Variants in ATP8A1 observed in about 807,000 individuals in gnomAD.
The protein encoded by ATP8A1 is ATPase phospholipid transporting 8A1.
ATP8A1 carries 90 observed loss-of-function variants against 177.7 expected under a neutral mutation model. The ratio of observed to expected loss-of-function variants is 0.51; its 90% confidence interval spans 0.43 to 0.60. ATP8A1 has a LOEUF of 0.60. Ranked by LOEUF, ATP8A1 falls within the 20% of genes least tolerant of loss-of-function variation. ATP8A1 has a pLI of 0.00. For missense variants in ATP8A1, 1,072 were observed against 1,392.8 expected, an observed-to-expected ratio of 0.77 and a Z score of 3.67; for synonymous variants, 493 against 485.9, an observed-to-expected ratio of 1.01 and a Z score of -0.19.
chr4:42,555,142 C>G (rs78328392), intron 16 of ATP8A1, among the ~76,000 whole-genome samples: 5 of 63,692 alleles, frequency 7.9e-5, no homozygotes, highest in African/African-American at 3.6e-4. Flanking sequence ...TCTATCTAAT[C>G]TATCTATCTA....
Position 42,464,698 on chromosome 4 carries a change from T to C in ATP8A1, c.2611A>G (p.Ile871Val). The change falls in exon 27 of 37, where the codon ATT (isoleucine) becomes GTT (valine). Residue 871 changes from isoleucine to valine, a missense_variant. This residue lies in a region of ATP8A1 where 316 missense variants were observed against 459.1 expected (regional missense o/e 0.69). Coordinates refer to ENST00000381668, the MANE Select transcript of ATP8A1 (RefSeq NM_006095.2). ...YCFYKNIVLY[I>V]IEIWFAFVNG... The stretch of plus-strand genomic sequence containing the variant: ...ATTTAACCTGCTATTACCTCGATAA[T>C]ATAGAGCACTATATTCTTGTAGAAG... 2 of 1,589,194 alleles carry C rather than the reference T, an allele frequency of 1.3e-6. No homozygotes were observed. The highest frequency in any genetic ancestry group is 2.2e-5 in the East Asian group (1 of 44,680).
intron 31 of ATP8A1, 89 bp from the exon 32 acceptor site, chr4:42,444,723 G>C (rs1329370428): frequency 3.1e-6 from 4 of 1,297,750 alleles, no homozygotes; most frequent in East Asian, 4.8e-5. Flanking sequence ...AGAGATCTCT[G>C]AATGTAACTA....
At chr4:42,553,802 G>A (rs1729762094) in intron 16 of ATP8A1, among the ~76,000 whole-genome samples, 1 of 152,122 alleles carries the variant, frequency 6.6e-6, no homozygotes, top group Non-Finnish European at 1.5e-5. Context: ...AGCAAGACAA[G>A]CACTGTAAAG....
Position 42,522,340 on chromosome 4 carries a change from T to C in ATP8A1, c.1808-41A>G, listed in dbSNP as rs772293495. On this transcript the variant is annotated intron_variant, in intron 21 of 36. Transcript: ENST00000381668. ...TACATCACCCCAACACACCAAAGAT[T>C]TTCTTCAGAAGTCTGAGGTTTCTGT... is the stretch of plus-strand genomic sequence containing the variant. 8.8e-5 allele frequency: 141 copies of C among 1,597,008 alleles called. 2 individuals carry two copies. In the Admixed American group the frequency reaches 2.5e-3, roughly 28 times the overall value.
chr4:42,614,358 A>G (rs1325762769), intron 5 of ATP8A1, among the ~76,000 whole-genome samples: 1 of 152,224 alleles, frequency 6.6e-6, no homozygotes, highest in Non-Finnish European at 1.5e-5. Flanking sequence ...ATGGGTTGGA[A>G]AAGCATTTAT....
chr4:42,613,153 A>G (rs1736539171), intron 5 of ATP8A1, among the ~76,000 whole-genome samples: 1 of 152,234 alleles, frequency 6.6e-6, no homozygotes, highest in South Asian at 2.1e-4. Flanking sequence ...ATCTGACAGC[A>G]AACAGTATCC....
chr4:42,552,690 T>A, intron 16 of ATP8A1, 80 bp from the exon 17 acceptor site: 3 of 1,054,130 alleles, frequency 2.8e-6, no homozygotes, highest in South Asian at 2.7e-5. Flanking sequence ...TCATGTCTAT[T>A]AAGAACATAG....
intron 1 of ATP8A1, chr4:42,637,076 G>C (rs1356913519): frequency 2.0e-6 from 1 of 511,400 alleles, no homozygotes; most frequent in Non-Finnish European, 3.9e-6. Context: ...TCTAATGTAG[G>C]TGGGCAGTGA....
In ATP8A1 at chr4:42,551,189, C is replaced by T. The variant is rs762211337; in HGVS notation, c.1602+9G>A. 1.4e-5 allele frequency: 22 copies of T among 1,607,686 alleles called. No homozygotes were observed. The highest frequency in any genetic ancestry group is 1.7e-5 in the Non-Finnish European group (20 of 1,174,482). On this transcript the variant is annotated intron_variant, in intron 18 of 36. Transcript: ENST00000381668. The stretch of plus-strand genomic sequence containing the variant: ...GGATTAAAAAGAACCTTAAAAACAA[C>T]TAACTTACTGAATCTATAATCACCG...
chr4:42,471,035 A>C (rs986814819), intron 25 of ATP8A1, among the ~76,000 whole-genome samples: 1 of 152,212 alleles, frequency 6.6e-6, no homozygotes, highest in African/African-American at 2.4e-5. Flanking sequence ...TCATTTATAA[A>C]ATTTCACATT....
At chr4:42,539,030 A>T (rs1156324794) in intron 20 of ATP8A1, among the ~76,000 whole-genome samples, 2 of 152,236 alleles carry the variant, frequency 1.3e-5, no homozygotes, top group Admixed American at 6.5e-5. Context: ...CAACAAGTAG[A>T]TAAAGAAAAT....
At chr4:42,479,569 G>A (rs1273360344) in intron 25 of ATP8A1, among the ~76,000 whole-genome samples, 1 of 152,146 alleles carries the variant, frequency 6.6e-6, no homozygotes, top group African/African-American at 2.4e-5. Context: ...CAATCCATTA[G>A]GCAGATTTGT....
intron 14 of ATP8A1, among the ~76,000 whole-genome samples, chr4:42,572,957 A>G (rs1421189134): frequency 6.6e-6 from 1 of 152,176 alleles, no homozygotes; most frequent in African/African-American, 2.4e-5. Flanking sequence ...TTTAATCTCA[A>G]TGATGACAAT....
At chr4:42,650,761 G>C (rs1741011122) in intron 1 of ATP8A1, among the ~76,000 whole-genome samples, 1 of 152,182 alleles carries the variant, frequency 6.6e-6, no homozygotes, top group Non-Finnish European at 1.5e-5. Flanking sequence ...ATAGGTATGT[G>C]AAGTTTTTGT....
At chr4:42,559,117 TTGGGGC>T (rs1236695412) in intron 15 of ATP8A1, among the ~76,000 whole-genome samples, 9 of 152,124 alleles carry the variant, frequency 5.9e-5, no homozygotes, top group Non-Finnish European at 8.8e-5. Context: ...GCTCTGGAGT[TTGGGGC>T]TGCAGCGAGC....
chr4:42,490,286 C>T lies in ATP8A1; in HGVS notation c.2152-4618G>A, dbSNP rs184603849. Among the ~76,000 whole-genome samples the T allele has an allele frequency of 2.0e-5, 3 of 152,284 alleles. No homozygotes were observed. In the East Asian group the frequency reaches 5.8e-4, roughly 29 times the overall value. ...GCAAATTCACCATTTAGGCCACACC[C>T]AACACAACCTCTAGGTTCTGTCTCG... On this transcript the variant is annotated intron_variant, in intron 24 of 36. Transcript: ENST00000381668.
At chr4:42,555,148 A>C in intron 16 of ATP8A1, among the ~76,000 whole-genome samples, 1 of 87,486 alleles carries the variant, frequency 1.1e-5, no homozygotes, top group African/African-American at 4.9e-5. Context: ...TAATCTATCT[A>C]TCTATCTATC....
chr4:42,648,117 T>C (rs964177098), intron 1 of ATP8A1, among the ~76,000 whole-genome samples: 2 of 152,126 alleles, frequency 1.3e-5, no homozygotes, highest in Admixed American at 6.5e-5. Context: ...AGATGCCAAT[T>C]CTCTTAATAT....
At chr4:42,556,781 T>C (rs935487267) in intron 15 of ATP8A1, among the ~76,000 whole-genome samples, 5 of 152,126 alleles carry the variant, frequency 3.3e-5, no homozygotes, top group African/African-American at 9.7e-5. Flanking sequence ...AGTGGGAATG[T>C]CAAAAGAAAA....
Sources: gnomAD v4.1 joint callset for allele counts (sites outside exome capture counted in the v4.1 genomes callset) on GRCh38, gnomAD v4.1.1 for gene constraint, gnomAD v4.1.1 regional missense constraint, MANE v1.5 for transcripts, NCBI Gene and HGNC (gene_info 2026-07-23, HGNC 2026-07-21) for gene names.